Variants in ATP2B2 observed in about 807,000 individuals in gnomAD.
ATP2B2 encodes plasma membrane calcium-transporting ATPase 2.
Under a neutral mutation model 120.0 loss-of-function variants are expected in ATP2B2, and 15 were observed. The ratio of observed to expected loss-of-function variants is 0.12; its 90% CI spans 0.08 to 0.19. The LOEUF is 0.19. Among genes scored for constraint, ATP2B2 ranks in the 10% least tolerant of loss-of-function variants. The probability of loss-of-function intolerance (pLI) is 1.00; values close to 1 mark genes in which losing one functional copy is unlikely to be tolerated. For synonymous variants in ATP2B2, 694 were observed against 700.3 expected, an observed-to-expected ratio of 0.99 and a Z score of 0.14; for missense variants, 1,045 against 1,719.8, an observed-to-expected ratio of 0.61 and a Z score of 6.94.
intron 1 of ATP2B2, among the ~76,000 whole-genome samples, chr3:10,459,309 T>A (rs1034878014): frequency 6.6e-6 from 1 of 152,212 alleles, no homozygotes; most frequent in Non-Finnish European, 1.5e-5. Flanking sequence ...AACAGTAAAG[T>A]CACTAGCAGA....
chr3:10,606,742 T>C (rs1400225370), intron 2 of ATP2B2, among the ~76,000 whole-genome samples: 2 of 152,072 alleles, frequency 1.3e-5, no homozygotes, highest in Non-Finnish European at 2.9e-5. Flanking sequence ...TATGTGTGTT[T>C]TACACACCTG....
chr3:10,624,592 G>A (rs953371272), intron 1 of ATP2B2, among the ~76,000 whole-genome samples: 3 of 152,214 alleles, frequency 2.0e-5, no homozygotes, highest in Non-Finnish European at 4.4e-5. Context: ...TTAGCAAGCA[G>A]CACGGCTTTG....
At position 10,386,565 on chromosome 3, in the gene ATP2B2, C is replaced by T; in HGVS notation, c.908-53G>A. On this transcript the variant is annotated intron_variant, in intron 6 of 22. Transcript: ENST00000360273. ...ATGAAGGAGAAGCACACAGCCTCAT[C>T]TGCCCATGCGCACGCGCACACACAC... 3 of 1,599,862 alleles carry T rather than the reference C, an allele frequency of 1.9e-6. No homozygotes were observed. The South Asian group carries it at 3.3e-5, about 18-fold the overall frequency.
chr3:10,330,683 G>C (rs187229075), intron 22 of ATP2B2, among the ~76,000 whole-genome samples: 1 of 152,348 alleles, frequency 6.6e-6, no homozygotes, highest in South Asian at 2.1e-4. Flanking sequence ...TCGTGGGGAG[G>C]CCCCTGAAGT....
rs770460502 is a variant in ATP2B2, at chr3:10,340,227, C to T, written c.3237+15G>A. The T allele has an allele frequency of 6.2e-7, 1 of 1,612,384 alleles. No individual in the cohort carries two copies. Among genetic ancestry groups the T allele is most frequent in the South Asian group, 1.1e-5 (1 of 90,942 alleles). ...CCTGCTAACAGGCACCTCCTGCGAC[C>T]TACCAGGAACTTACCTGGCCCCAAA... On this transcript the variant is annotated intron_variant, in intron 21 of 22. Transcript: ENST00000360273. The surrounding 1 kb of genome is among the most constrained non-coding windows in gnomAD (Gnocchi z 5.0).
At chr3:10,429,462 G>A (rs951165835) in intron 2 of ATP2B2, among the ~76,000 whole-genome samples, 4 of 152,104 alleles carry the variant, frequency 2.6e-5, no homozygotes, top group Non-Finnish European at 4.4e-5. Flanking sequence ...AATCTGTTGT[G>A]GTGATTTGTG....
In ATP2B2 at chr3:10,635,468, G is replaced by A. The variant is rs773597563; in HGVS notation, c.-459-15507C>T. On this transcript the variant is annotated intron_variant, in intron 1 of 21. Coordinates refer to the ATP2B2 transcript ENST00000646379. The surrounding 1 kb of genome is among the most constrained non-coding windows in gnomAD (Gnocchi z 4.3). Reference sequence around the variant, plus strand: ...TTTCCAGCTCTTAGGTGCCTACAGCGGTGAAATTTCTCCATCCTGCTTACG... The same window carrying A: ...TTTCCAGCTCTTAGGTGCCTACAGCAGTGAAATTTCTCCATCCTGCTTACG... 5.9e-5 allele frequency among the ~76,000 whole-genome samples: 9 copies of A among 151,958 alleles called. No homozygotes were observed. Among genetic ancestry groups the A allele is most frequent in the East Asian group, 5.8e-4 (3 of 5,180 alleles).
At chr3:10,696,963 T>A (rs1178086754) in intron 1 of ATP2B2, among the ~76,000 whole-genome samples, 1 of 152,194 alleles carries the variant, frequency 6.6e-6, no homozygotes, top group South Asian at 2.1e-4. Context: ...TTTTATGATA[T>A]GCTTGGTACT....
At chr3:10,497,235 T>C (rs2066189815) in intron 1 of ATP2B2, among the ~76,000 whole-genome samples, 2 of 152,178 alleles carry the variant, frequency 1.3e-5, no homozygotes, top group Non-Finnish European at 2.9e-5. Context: ...AACCCTCCTC[T>C]CCATGGCAAG....
At chr3:10,380,455 C>A (rs952182870) in intron 8 of ATP2B2, among the ~76,000 whole-genome samples, 1 of 152,240 alleles carries the variant, frequency 6.6e-6, no homozygotes, top group South Asian at 2.1e-4. Flanking sequence ...GCTGGGCACA[C>A]ACATAAGCTC....
chr3:10,481,966 A>T (rs556816755), intron 1 of ATP2B2, among the ~76,000 whole-genome samples: 22 of 152,340 alleles, frequency 1.4e-4, no homozygotes, highest in African/African-American at 5.3e-4. Context: ...TTGTGTTAGG[A>T]TGACCAACTG....
chr3:10,325,334 A>C lies in ATP2B2; in HGVS notation c.*3480T>G, dbSNP rs1048126566. On this transcript the variant is annotated 3_prime_UTR_variant, in exon 23 of 23. Coordinates refer to ENST00000360273, the MANE Select transcript of ATP2B2 (RefSeq NM_001001331.4). The stretch of plus-strand genomic sequence containing the variant: ...GAAGGGACTCATCCCACCACATAAT[A>C]AGACATTAGAAATTGACAATAGTTA... 2.0e-5 allele frequency: 3 copies of C among 152,246 alleles called. No homozygotes were observed. Among genetic ancestry groups the C allele is most frequent in the Non-Finnish European group, 4.4e-5 (3 of 68,046 alleles). The allele number at this position is 152,246 out of a possible 1,614,324, so 9.4% of individuals were successfully genotyped here.
chr3:10,535,721 G>T (rs2067300273), intron 2 of ATP2B2, among the ~76,000 whole-genome samples: 2 of 151,952 alleles, frequency 1.3e-5, no homozygotes, highest in African/African-American at 4.8e-5. Flanking sequence ...TTTATTGTTG[G>T]GTAGTATTCC....
chr3:10,607,169 C>T lies in ATP2B2; in HGVS notation c.-415+12748G>A, dbSNP rs549870338. On this transcript the variant is annotated intron_variant, in intron 2 of 21. Transcript: ENST00000646379. ...CGGTCGGCAGGAAGCTGGTTGACCA[C>T]GTACTGGCTGTGTGACACTGGCCAG... Among the ~76,000 whole-genome samples the T allele has an allele frequency of 7.0e-4, 106 of 152,294 alleles. 1 individual carries two copies. The highest frequency in any genetic ancestry group is 2.2e-3 in the Admixed American group (33 of 15,298).
chr3:10,326,985 T>C lies in ATP2B2; in HGVS notation c.*1829A>G. Reference sequence around the variant, plus strand: ...TGGATTTTGCAAGAGAGGCGGAAAGTGTTTGGTTTTCCTCGAAGCATGGGA... The same window carrying C: ...TGGATTTTGCAAGAGAGGCGGAAAGCGTTTGGTTTTCCTCGAAGCATGGGA... On this transcript the variant is annotated 3_prime_UTR_variant, in exon 23 of 23. Transcript: ENST00000360273. 2.5e-6 allele frequency: 1 copy of C among 398,138 alleles called. No individual in the cohort carries two copies. The highest frequency in any genetic ancestry group is 4.4e-6 in the Non-Finnish European group (1 of 226,002). The allele number at this position is 398,138 out of a possible 1,614,324, so 24.7% of individuals were successfully genotyped here.
rs375322509 is a variant in ATP2B2, at chr3:10,519,310, G to A, written c.-320+14729C>T. On this transcript the variant is annotated intron_variant, in intron 3 of 21. Coordinates refer to the ATP2B2 transcript ENST00000646379. ...GAATTAGCTAAGCACATCACTCACC[G>A]TCTGCAATAAAGTGGCCGAGGCGGG... 6.6e-4 allele frequency among the ~76,000 whole-genome samples: 101 copies of A among 152,304 alleles called. No individual in the cohort carries two copies. In the South Asian group the frequency reaches 0.01, roughly 16 times the overall value.
At chr3:10,361,922 C>G (rs574931401) in intron 12 of ATP2B2, among the ~76,000 whole-genome samples, 3 of 152,142 alleles carry the variant, frequency 2.0e-5, no homozygotes, top group South Asian at 2.1e-4. Flanking sequence ...ATGGTAAGGA[C>G]GAGATGCCTC....
intron 1 of ATP2B2, among the ~76,000 whole-genome samples, chr3:10,496,371 G>A (rs917476381): frequency 6.6e-6 from 1 of 152,192 alleles, no homozygotes; most frequent in African/African-American, 2.4e-5. Flanking sequence ...AAGAACAGGA[G>A]CTCCTGCCCG....
Position 10,338,370 on chromosome 3 carries a change from C to G in ATP2B2, c.3238-12G>C. ...ATGGTGGCGATGACCTGCAAGGGAC[C>G]CTGTCTGTCAGGACGGTGGGGCTGT... On this transcript the variant is annotated splice_polypyrimidine_tract_variant and intron_variant, in intron 21 of 22. Transcript: ENST00000360273. 6.2e-7 allele frequency: 1 copy of G among 1,614,110 alleles called. No individual in the cohort carries two copies. Among genetic ancestry groups the G allele is most frequent in the Non-Finnish European group, 8.5e-7 (1 of 1,180,028 alleles).
Sources: gnomAD v4.1 joint callset for allele counts (sites outside exome capture counted in the v4.1 genomes callset) on GRCh38, gnomAD v4.1.1 for gene constraint, Gnocchi (gnomAD v3.1) non-coding constraint, MANE v1.5 for transcripts, NCBI Gene and HGNC (gene_info 2026-07-23, HGNC 2026-07-21) for gene names.